CENPS: variants seen among roughly 807,000 people sequenced by gnomAD.
CENPS encodes FANCM associated histone fold protein 1.
Under a neutral mutation model 17.9 loss-of-function variants are expected in CENPS, and 16 were observed. The observed-to-expected ratio is 0.90, with a 90% confidence interval of 0.61 to 1.36. The LOEUF is 1.36. Among genes scored for constraint, CENPS ranks in the 40% most tolerant of loss-of-function variants. The pLI is 0.00. For synonymous variants in CENPS, 49 were observed against 55.8 expected, an observed-to-expected ratio of 0.88 and a Z score of 0.54; for missense variants, 160 against 158.6, an observed-to-expected ratio of 1.01 and a Z score of -0.05.
chr1:10,431,114 C>T (rs2124240466), intron 1 of CENPS: 5 of 1,415,356 alleles, frequency 3.5e-6, no homozygotes, highest in South Asian at 1.5e-5. Context: ...ATTTTCTTCT[C>T]TGCAAAATCG....
At chr1:10,431,108 T>A in intron 1 of CENPS, 1 of 1,410,998 alleles carries the variant, frequency 7.1e-7, no homozygotes, top group Non-Finnish European at 9.2e-7. Context: ...GACGCAATTT[T>A]CTTCTCTGCA....
intron 3 of CENPS, among the ~76,000 whole-genome samples, chr1:10,437,449 T>TTTTTTTG (rs937281975): frequency 8.7e-6 from 1 of 114,778 alleles, no homozygotes; most frequent in Non-Finnish European, 1.9e-5. Context: ...GGGGCTGTTT[T>TTTTTTTG]TTTTTTGTTT....
Position 10,434,685 on chromosome 1 carries a change from T to G in CENPS, c.204T>G (p.Phe68Leu), listed in dbSNP as rs2124260036. 1 of 1,607,606 alleles carries G rather than the reference T, an allele frequency of 6.2e-7. No homozygotes were observed. Among genetic ancestry groups the G allele is most frequent in the East Asian group, 2.2e-5 (1 of 44,592 alleles). ...ATTTTGCCAAAGACCTTGAAATGTT[T>G]GCAAGGTGGGTAGAGAACTTGATTA... ...CENFAKDLEMFARHAKRTTIN... is the reference protein window; with the variant it reads ...CENFAKDLEMLARHAKRTTIN... Residue 68 changes from phenylalanine to leucine, a missense_variant, in exon 3 of 5, where the codon TTT (phenylalanine) becomes TTG (leucine). Coordinates refer to ENST00000309048, the MANE Select transcript of CENPS (RefSeq NM_199294.3).
At chr1:10,434,085 C>T (rs1640044451) in intron 2 of CENPS, 120 bp downstream of exon 2, 1 of 1,512,968 alleles carries the variant, frequency 6.6e-7, no homozygotes, top group African/African-American at 1.4e-5. Context: ...TATTATCATC[C>T]TCATGCGTTC....
chr1:10,434,787 T>G (rs969594722), intron 3 of CENPS, 97 bp downstream of exon 3: 2 of 1,450,058 alleles, frequency 1.4e-6, no homozygotes, highest in African/African-American at 3.0e-5. Context: ...AGCTATTCAG[T>G]TTTCCGTGTG....
chr1:10,435,704 T>TACACAC lies in CENPS; in HGVS notation c.209+1015_209+1016insCACACA, dbSNP rs1245329164. 1.5e-3 allele frequency among the ~76,000 whole-genome samples: 214 copies of TACACAC among 143,638 alleles called. 1 individual carries two copies. The highest frequency in any genetic ancestry group is 4.4e-3 in the South Asian group (20 of 4,586). 94.2% of individuals were successfully genotyped at this position (143,638 alleles called of 152,430 possible). On this transcript the variant is annotated intron_variant, in intron 3 of 4. Coordinates refer to ENST00000309048, the MANE Select transcript of CENPS (RefSeq NM_199294.3). Reference sequence around the variant, plus strand: ...GAAAAATTTAAATACTTAAAAATAATATATATATATATACACACACACACA... The same window carrying TACACAC: ...GAAAAATTTAAATACTTAAAAATAATACACACATATATATATATACACACACACACA...
intron 3 of CENPS, among the ~76,000 whole-genome samples, chr1:10,435,077 G>T (rs757597882): frequency 6.6e-6 from 1 of 152,212 alleles, no homozygotes; most frequent in Non-Finnish European, 1.5e-5. Context: ...GGGAGCTGCA[G>T]CGTGTCCACG....
chr1:10,439,971 A>G (rs1218831251), intron 3 of CENPS, among the ~76,000 whole-genome samples: 2 of 152,132 alleles, frequency 1.3e-5, no homozygotes, highest in Non-Finnish European at 2.9e-5. Flanking sequence ...CCTCTGTATC[A>G]TGAGGCCCAT....
intron 3 of CENPS, among the ~76,000 whole-genome samples, chr1:10,435,714 T>C (rs372494304): frequency 0.48 from 68,477 of 142,402 alleles, 16,660 homozygotes; most frequent in South Asian, 0.56. Flanking sequence ...TATATATATA[T>C]ATACACACAC....
chr1:10,432,504 C>T lies in CENPS; in HGVS notation c.52-1338C>T, dbSNP rs536691765. Among the ~76,000 whole-genome samples the T allele has an allele frequency of 7.9e-5, 12 of 152,222 alleles. No individual in the cohort carries two copies. In the East Asian group the frequency reaches 1.9e-3, roughly 24 times the overall value. ...GCTGTGATTAGCTTGTAGACGATTT[C>T]CCCCCATTCATGTAACCAACTGTTC... On this transcript the variant is annotated intron_variant, in intron 1 of 4. Transcript: ENST00000309048.
chr1:10,437,758 A>ATTTTTT (rs59257602), intron 3 of CENPS, among the ~76,000 whole-genome samples: 3 of 123,194 alleles, frequency 2.4e-5, no homozygotes, highest in South Asian at 2.5e-4. Context: ...TGCCTGGCCA[A>ATTTTTT]TTTTTTTTTT....
chr1:10,441,313 C>CTT (rs747986112), intron 4 of CENPS, among the ~76,000 whole-genome samples: 1,528 of 109,510 alleles, frequency 0.014, 30 homozygotes, highest in Middle Eastern at 0.062. Flanking sequence ...TGTGCCACAA[C>CTT]TTTTTTTTTT....
chr1:10,435,704 TATATA>T (rs1338668124), intron 3 of CENPS, among the ~76,000 whole-genome samples: 1 of 143,560 alleles, frequency 7.0e-6, no homozygotes, highest in Non-Finnish European at 1.5e-5. Flanking sequence ...TTAAAAATAA[TATATA>T]TATATATACA....
chr1:10,430,807 G>A, intron 1 of CENPS: 1 of 1,353,744 alleles, frequency 7.4e-7, no homozygotes, highest in Non-Finnish European at 9.5e-7. Context: ...GGAGCGTGCG[G>A]GCGCCGGGGT....
At chr1:10,437,513 A>G (rs1013666713) in intron 3 of CENPS, among the ~76,000 whole-genome samples, 6 of 143,590 alleles carry the variant, frequency 4.2e-5, no homozygotes, top group Non-Finnish European at 9.0e-5. Flanking sequence ...CTGGATTGCC[A>G]TGGCGCGATC....
intron 1 of CENPS, chr1:10,431,308 A>T (rs1005903903): frequency 1.3e-6 from 2 of 1,535,218 alleles, no homozygotes; most frequent in South Asian, 1.2e-5. Context: ...CAGACGCGGG[A>T]GTTTCCTCTC....
intron 1 of CENPS, 121 bp downstream of exon 1, chr1:10,430,689 G>T: frequency 7.1e-7 from 1 of 1,407,794 alleles, no homozygotes. Flanking sequence ...CGCCCCCCGC[G>T]GCTGCGCATG....
At chr1:10,435,832 C>G (rs1303010689) in intron 3 of CENPS, among the ~76,000 whole-genome samples, 10 of 151,882 alleles carry the variant, frequency 6.6e-5, no homozygotes, top group African/African-American at 2.4e-4. Context: ...CCTTGGGCTC[C>G]CAAAGTGCTG....
intron 4 of CENPS, among the ~76,000 whole-genome samples, chr1:10,440,744 T>G (rs1224931411): frequency 2.0e-5 from 3 of 152,254 alleles, no homozygotes; most frequent in African/African-American, 7.2e-5. Context: ...TGTTATTGTA[T>G]TCACAGTTCT....
Sources: gnomAD v4.1 joint callset for allele counts (sites outside exome capture counted in the v4.1 genomes callset) on GRCh38, gnomAD v4.1.1 for gene constraint, MANE v1.5 for transcripts, NCBI Gene and HGNC (gene_info 2026-07-23, HGNC 2026-07-21) for gene names.